ZMYM1: variants seen among roughly 807,000 people sequenced by gnomAD.
ZMYM1 encodes zinc finger MYM-type containing 1.
A neutral mutation model predicts 60.0 loss-of-function variants in ZMYM1; 39 were observed. The observed-to-expected ratio is 0.65, with a 90% confidence interval of 0.50 to 0.85. The LOEUF is 0.85. ZMYM1 is among the 40% of genes least tolerant of loss of function. ZMYM1 has a pLI of 0.00. For synonymous variants in ZMYM1, 413 were observed against 454.0 expected (o/e 0.91, Z 1.15); for missense variants, 1,171 against 1,309.5 (o/e 0.89, Z 1.63).
At chr1:35,073,377 A>AAGGAAGGAAG (rs1557626726) in intron 1 of ZMYM1, among the ~76,000 whole-genome samples, 1 of 82,202 alleles carries the variant, frequency 1.2e-5, no homozygotes, top group African/African-American at 4.5e-5. Flanking sequence ...AAGGAAGGAA[A>AAGGAAGGAAG]GAAAGGAAAG....
intron 2 of ZMYM1, among the ~76,000 whole-genome samples, chr1:35,095,542 A>C (rs575978448): frequency 4.6e-5 from 7 of 151,898 alleles, no homozygotes; most frequent in African/African-American, 1.7e-4. Context: ...GTTGTAATTC[A>C]ATATGTCTGC....
At chr1:35,075,060 C>G (rs1642144479), upstream of ZMYM1, among the ~76,000 whole-genome samples, 1 of 152,092 alleles carries the variant, frequency 6.6e-6, no homozygotes, top group Admixed American at 6.6e-5. Context: ...TGGGGTTTCA[C>G]TGTGTTAGCC....
intron 1 of ZMYM1, among the ~76,000 whole-genome samples, chr1:35,064,348 C>T (rs1641931566): frequency 7.0e-6 from 1 of 142,832 alleles, no homozygotes; most frequent in African/African-American, 2.6e-5. Flanking sequence ...GACAAATCCA[C>T]AATTATAGTT....
chr1:35,100,729 A>G (rs997280205), intron 4 of ZMYM1, among the ~76,000 whole-genome samples: 5 of 152,098 alleles, frequency 3.3e-5, no homozygotes, highest in East Asian at 1.9e-4. Context: ...CCTGAATGCA[A>G]TCAATAAAGT....
At chr1:35,073,902 T>C (rs1199681281) in intron 1 of ZMYM1, among the ~76,000 whole-genome samples, 2 of 152,082 alleles carry the variant, frequency 1.3e-5, no homozygotes, top group African/African-American at 4.8e-5. Flanking sequence ...TTCAAGCGAT[T>C]CTTCTGCCTC....
chr1:35,080,399 C>T (rs1642322162), intron 1 of ZMYM1, among the ~76,000 whole-genome samples: 1 of 151,576 alleles, frequency 6.6e-6, no homozygotes, highest in South Asian at 2.1e-4. Flanking sequence ...CACAAGCAGC[C>T]TCAGCCTTCC....
At chr1:35,075,934 A>G (rs994469450), upstream of ZMYM1, among the ~76,000 whole-genome samples, 1 of 152,108 alleles carries the variant, frequency 6.6e-6, no homozygotes, top group African/African-American at 2.4e-5. Flanking sequence ...CAATTCCCCA[A>G]TACCTATTTC....
Position 35,111,700 on chromosome 1 carries a change from C to T in ZMYM1, c.962-72C>T, listed in dbSNP as rs1644091395. Reference sequence around the variant, plus strand: ...TAGATGCTTGCATTATTTCTTTAAACAGTATTACTAAACAGTACTTTCTGA... The same window carrying T: ...TAGATGCTTGCATTATTTCTTTAAATAGTATTACTAAACAGTACTTTCTGA... On this transcript the variant is annotated intron_variant, in intron 7 of 9. Coordinates refer to ENST00000359858, the MANE Select transcript of ZMYM1 (RefSeq NM_024772.5). 13 of 1,366,120 alleles carry T rather than the reference C, an allele frequency of 9.5e-6. No individual in the cohort carries two copies. In the Admixed American group the frequency reaches 1.0e-4, roughly 11 times the overall value. 84.6% of individuals were successfully genotyped at this position (1,366,120 alleles called of 1,614,324 possible).
At chr1:35,100,521 C>G (rs938032139) in intron 4 of ZMYM1, among the ~76,000 whole-genome samples, 2 of 151,516 alleles carry the variant, frequency 1.3e-5, no homozygotes, top group Admixed American at 6.6e-5. Context: ...ACACCAGTGA[C>G]TGAGGCAGGA....
chr1:35,096,719 G>A (rs916437330), intron 3 of ZMYM1, among the ~76,000 whole-genome samples: 7 of 151,978 alleles, frequency 4.6e-5, no homozygotes, highest in African/African-American at 1.2e-4. Flanking sequence ...GTTTTGAGAC[G>A]GAGTCTCGCT....
intron 1 of ZMYM1, among the ~76,000 whole-genome samples, chr1:35,065,364 A>AT (rs1641956231): frequency 6.6e-6 from 1 of 151,812 alleles, no homozygotes; most frequent in South Asian, 2.1e-4. Context: ...CTTCCTTTTG[A>AT]TTTTTTTAAT....
chr1:35,114,386 G>T lies in ZMYM1; in HGVS notation c.2556G>T (p.Leu852Phe), dbSNP rs778532267. The T allele has an allele frequency of 7.4e-6, 12 of 1,612,814 alleles. No individual in the cohort carries two copies. The highest frequency in any genetic ancestry group is 5.0e-5 in the Admixed American group (3 of 59,912). ...FADELSHLLT[L>F]VSKFEFVFCL... ...ATGAATTGAGTCATTTGCTGACATT[G>T]GTTTCCAAATTTGAATTTGTCTTTT... The change falls in exon 10 of 10, where the codon TTG becomes TTT. Residue 852 changes from leucine (L) to phenylalanine (F), a missense_variant. Transcript: ENST00000359858.
At position 35,112,146 on chromosome 1, in the gene ZMYM1, T is replaced by C. The variant is rs745459286; in HGVS notation, c.1146+16T>C. 2 of 1,612,408 alleles carry C rather than the reference T, an allele frequency of 1.2e-6. No homozygotes were observed. Among genetic ancestry groups the C allele is most frequent in the Non-Finnish European group, 1.7e-6 (2 of 1,179,016 alleles). ...CATTGTGGATGTAAGTTTTAACTTT[T>C]TTTACCACTGTCTTTTTTTAATAAG... On this transcript the variant is annotated intron_variant, in intron 9 of 9. Transcript: ENST00000359858.
At position 35,113,054 on chromosome 1, in the gene ZMYM1, T is replaced by G; in HGVS notation, c.1224T>G (p.Ser408=). The G allele has an allele frequency of 1.2e-6, 2 of 1,613,942 alleles. No homozygotes were observed. The highest frequency in any genetic ancestry group is 1.7e-6 in the Non-Finnish European group (2 of 1,179,914). Reference sequence around the variant, plus strand: ...CGGAACAGCCAAGCGTTTCACCATCTTCATCAGTATTCAGTCAGCATGCAA... The same window carrying G: ...CGGAACAGCCAAGCGTTTCACCATCGTCATCAGTATTCAGTCAGCATGCAA... The part of the protein sequence containing the change: ...SSTEQPSVSP[S]SSVFSQHAIG... The change falls in exon 10 of 10, where the codon TCT becomes TCG. Residue 408 remains serine, a synonymous_variant. Transcript: ENST00000359858.
At chr1:35,109,746 CTT>C (rs879736798) in intron 6 of ZMYM1, among the ~76,000 whole-genome samples, 1 of 144,842 alleles carries the variant, frequency 6.9e-6, no homozygotes, top group Admixed American at 6.9e-5. Context: ...TTCTTCATTG[CTT>C]TTTTTTTTTT....
chr1:35,112,276 C>G, intron 9 of ZMYM1, 146 bp downstream of exon 9: 1 of 711,258 alleles, frequency 1.4e-6, no homozygotes, highest in Non-Finnish European at 2.4e-6. Flanking sequence ...CTCCTGGGTT[C>G]AAGCGATTCT....
Position 35,114,632 on chromosome 1 carries a change from T to C in ZMYM1, c.2802T>C (p.Ser934=), listed in dbSNP as rs1644206991. The part of the protein sequence containing the change: ...TCKGFKVEKP[S]LQKRRKIQKS... ...AAGGTTTTAAAGTTGAAAAACCTTC[T>C]CTTCAGAAAAGAAGAAAAATTCAGA... is the stretch of plus-strand genomic sequence containing the variant. The change falls in exon 10 of 10, where the codon TCT becomes TCC. Residue 934 remains serine, a synonymous_variant. Coordinates refer to ENST00000359858, the MANE Select transcript of ZMYM1 (RefSeq NM_024772.5). The C allele has an allele frequency of 1.9e-6, 3 of 1,603,644 alleles. No individual in the cohort carries two copies. Among genetic ancestry groups the C allele is most frequent in the African/African-American group, 1.3e-5 (1 of 74,286 alleles).
In ZMYM1 at chr1:35,069,341, T is replaced by C. The variant is rs1241967896; in HGVS notation, c.-301+9416T>C. ...TTTTGATTTGCATTTCCCTGATATG[T>C]GATGTTGAGTATTTTTTCGTGTACC... On this transcript the variant is annotated intron_variant, in intron 1 of 10. Coordinates refer to the ZMYM1 transcript ENST00000417119. Among the ~76,000 whole-genome samples, 8 of 152,172 alleles carry C rather than the reference T, an allele frequency of 5.3e-5. No homozygotes were observed. In the East Asian group the frequency reaches 7.7e-4, roughly 15 times the overall value.
rs570871094 is a variant in ZMYM1, at chr1:35,080,127, C to T, written c.-75+685C>T. Among the ~76,000 whole-genome samples, 180 of 152,010 alleles carry T rather than the reference C, an allele frequency of 1.2e-3. 1 individual carries two copies. Among genetic ancestry groups the T allele is most frequent in the Non-Finnish European group, 6.2e-4 (42 of 67,984 alleles). ...AAAAAAAATGAAATGTTTGCTGAAC[C>T]CCAAAAGCACAGTTTGAACGCTGCT... is the stretch of plus-strand genomic sequence containing the variant. On this transcript the variant is annotated intron_variant, in intron 1 of 9. Coordinates refer to ENST00000359858, the MANE Select transcript of ZMYM1 (RefSeq NM_024772.5).
Sources: allele counts gnomAD v4.1 joint callset (sites outside exome capture counted in the v4.1 genomes callset), GRCh38; gene constraint gnomAD v4.1.1; transcripts MANE v1.5; gene names NCBI Gene and HGNC (gene_info 2026-07-23, HGNC 2026-07-21).